Variants in GPHN observed in about 807,000 individuals in gnomAD.
GPHN encodes gephyrin.
In GPHN, 17 loss-of-function variants were observed where a neutral mutation model predicts 95.5. The observed-to-expected ratio is 0.18, with a 90% CI of 0.12 to 0.27. The LOEUF (loss-of-function observed/expected upper bound fraction) is 0.27. Among genes scored for constraint, GPHN ranks in the 10% least tolerant of loss-of-function variants. The pLI, the probability that GPHN is intolerant of heterozygous loss-of-function variation, is 1.00. For synonymous variants in GPHN, 320 were observed against 322.5 expected (o/e 0.99, Z 0.08); for missense variants, 660 against 978.1 (o/e 0.67, Z 4.34).
At chr14:67,286,734 T>A in the GPHN span, among the ~76,000 whole-genome samples, 1 of 151,164 alleles carries the variant, frequency 6.6e-6, no homozygotes, top group Non-Finnish European at 1.5e-5. Context: ...GGAATGCGAC[T>A]GTGGTCTTAG....
At chr14:66,910,537 T>C (rs2065621525) in intron 5 of GPHN, among the ~76,000 whole-genome samples, 2 of 151,970 alleles carry the variant, frequency 1.3e-5, no homozygotes, top group Admixed American at 6.6e-5. Flanking sequence ...TAAAATCTGC[T>C]TCTAGCTATT....
At chr14:66,763,774 C>T (rs1169414969) in intron 2 of GPHN, among the ~76,000 whole-genome samples, 1 of 152,114 alleles carries the variant, frequency 6.6e-6, no homozygotes, top group East Asian at 1.9e-4. Flanking sequence ...CCAGGTCACA[C>T]AGCAGGACGT....
the GPHN span, among the ~76,000 whole-genome samples, chr14:67,725,855 C>T: frequency 6.6e-6 from 1 of 152,076 alleles, no homozygotes; most frequent in East Asian, 1.9e-4. Context: ...GAGATAGGTC[C>T]AAATGAAGGA....
At chr14:66,632,306 A>G (rs1432684781) in intron 1 of GPHN, among the ~76,000 whole-genome samples, 1 of 151,948 alleles carries the variant, frequency 6.6e-6, no homozygotes, top group African/African-American at 2.4e-5. Context: ...TCTTCTCTAA[A>G]CCCTCTGTAT....
At chr14:67,472,832 G>A in the GPHN span, 37 of 155,256 alleles carry the variant, frequency 2.4e-4, no homozygotes. Flanking sequence ...GGCCAAGGGA[G>A]CAGCGCAGGG....
At chr14:66,563,218 A>C (rs534728757) in intron 1 of GPHN, among the ~76,000 whole-genome samples, 25 of 152,326 alleles carry the variant, frequency 1.6e-4, no homozygotes, top group African/African-American at 5.8e-4. Context: ...AATGCTAGAA[A>C]TATGATTTTC....
At chr14:67,011,903 G>A (rs1272378543) in intron 9 of GPHN, among the ~76,000 whole-genome samples, 1 of 149,582 alleles carries the variant, frequency 6.7e-6, no homozygotes. Flanking sequence ...TCAGAAGCAG[G>A]CAAGATGTCT....
chr14:67,246,103 GTCTA>G, the GPHN span, among the ~76,000 whole-genome samples: 1 of 151,516 alleles, frequency 6.6e-6, no homozygotes, highest in African/African-American at 2.4e-5. Flanking sequence ...GATCTATTTT[GTCTA>G]TCCTTTTTAT....
At chr14:66,788,241 G>A (rs1006784375) in intron 3 of GPHN, among the ~76,000 whole-genome samples, 16 of 152,152 alleles carry the variant, frequency 1.1e-4, no homozygotes, top group African/African-American at 2.9e-4. Flanking sequence ...CCCAGGTGGC[G>A]GAAGTTGCAG....
the GPHN span, among the ~76,000 whole-genome samples, chr14:67,283,533 C>T: frequency 1.2e-4 from 18 of 152,226 alleles, no homozygotes; most frequent in East Asian, 2.7e-3. Flanking sequence ...TTTTTACTAT[C>T]AAATTTTTGT....
intron 17 of GPHN, among the ~76,000 whole-genome samples, chr14:67,135,173 T>A (rs934653914): frequency 1.3e-5 from 2 of 152,044 alleles, no homozygotes; most frequent in Non-Finnish European, 2.9e-5. Context: ...TTGGCCAGGC[T>A]GGTCTCGAAC....
At chr14:66,705,441 G>A (rs932927394) in intron 2 of GPHN, among the ~76,000 whole-genome samples, 2 of 152,086 alleles carry the variant, frequency 1.3e-5, no homozygotes, top group African/African-American at 4.8e-5. Flanking sequence ...ACCAAATCCA[G>A]CAGCACATCA....
At chr14:66,691,277 T>G (rs2067761881) in intron 2 of GPHN, among the ~76,000 whole-genome samples, 1 of 152,016 alleles carries the variant, frequency 6.6e-6, no homozygotes, top group South Asian at 2.1e-4. Context: ...GACCGCCTCC[T>G]GGGTTCAAGC....
the GPHN span, among the ~76,000 whole-genome samples, chr14:67,389,167 A>C: frequency 6.6e-6 from 1 of 151,962 alleles, no homozygotes; most frequent in Non-Finnish European, 1.5e-5. Context: ...TCAATAATCA[A>C]CTTCATACTG....
At chr14:66,916,579 G>A (rs759080618) in intron 6 of GPHN, among the ~76,000 whole-genome samples, 3 of 147,060 alleles carry the variant, frequency 2.0e-5, no homozygotes, top group South Asian at 4.2e-4. Context: ...AGTCTTTAGC[G>A]CTTCCCAGAG....
At chr14:67,392,498 G>A in the GPHN span, 1 of 1,334,506 alleles carries the variant, frequency 7.5e-7, no homozygotes, top group Non-Finnish European at 1.1e-6. Flanking sequence ...GGCTGTCAGA[G>A]GGGAAAGGAA....
the GPHN span, chr14:67,651,415 C>T: frequency 0.06 from 97,471 of 1,613,766 alleles, 5,094 homozygotes; most frequent in East Asian, 0.23. Context: ...TGTAGTAAAC[C>T]AGGCCTCCCA....
At chr14:66,775,404 G>A (rs1472139976) in intron 2 of GPHN, among the ~76,000 whole-genome samples, 1 of 151,954 alleles carries the variant, frequency 6.6e-6, no homozygotes, top group Non-Finnish European at 1.5e-5. Flanking sequence ...GATGTGCTGG[G>A]GGCCACAACC....
intron 8 of GPHN, among the ~76,000 whole-genome samples, chr14:66,938,921 G>C (rs1324313283): frequency 6.6e-6 from 1 of 152,152 alleles, no homozygotes; most frequent in African/African-American, 2.4e-5. Flanking sequence ...TTTTTGACCA[G>C]GGAACCAAGA....
Sources: gnomAD v4.1 joint callset for allele counts (sites outside exome capture counted in the v4.1 genomes callset) on GRCh38, gnomAD v4.1.1 for gene constraint, MANE v1.5 for transcripts, NCBI Gene and HGNC (gene_info 2026-07-23, HGNC 2026-07-21) for gene names.